The following LARP7 variants were observed in gnomAD, a reference collection of about 807,000 sequenced individuals.
The protein encoded by LARP7 is La ribonucleoprotein 7, transcriptional regulator.
LARP7 carries 52 observed loss-of-function variants against 69.3 expected under a neutral mutation model. The observed-to-expected ratio is 0.75, with a 90% CI of 0.60 to 0.95. The LOEUF (loss-of-function observed/expected upper bound fraction) is 0.95. LARP7 is among the 40% of genes least tolerant of loss of function. The pLI, the probability that LARP7 is intolerant of heterozygous loss-of-function variation, is 0.00. For synonymous variants in LARP7, 254 were observed against 215.9 expected (o/e 1.18, Z -1.55); for missense variants, 733 against 673.0 (o/e 1.09, Z -0.99).
intron 2 of LARP7, 31 bp downstream of exon 2, chr4:112,644,902 T>C (rs2048105450): frequency 4.3e-6 from 5 of 1,152,098 alleles, no homozygotes; most frequent in African/African-American, 1.6e-5. Flanking sequence ...GAACCAATTT[T>C]TAGATATGGT....
At chr4:112,647,923 A>G in intron 8 of LARP7, 89 bp downstream of exon 8, 2 of 986,134 alleles carry the variant, frequency 2.0e-6, no homozygotes, top group South Asian at 1.3e-5. Flanking sequence ...ACAGAGTTGC[A>G]TATTAGCAAC....
In LARP7 at chr4:112,647,534, T is replaced by A. The variant is rs765771089; in HGVS notation, c.982T>A (p.Ser328Thr). Residue 328 changes from serine (S) to threonine (T), a missense_variant, in exon 7 of 13, where the codon TCC (serine) becomes ACC (threonine). Transcript: ENST00000344442. The stretch of plus-strand genomic sequence containing the variant: ...CATCATTAAGGAAGCATCAGAAGCT[T>A]CCAAGGAAAATAGAGGTAAAACTAC... ...KDIIKEASEA[S>T]KENRDIEIST... 5 of 1,602,400 alleles carry A rather than the reference T, an allele frequency of 3.1e-6. No homozygotes were observed. The South Asian group carries it at 5.6e-5, about 18-fold the overall frequency.
At chr4:112,651,820 A>C (rs572421690) in intron 10 of LARP7, among the ~76,000 whole-genome samples, 1 of 152,150 alleles carries the variant, frequency 6.6e-6, no homozygotes, top group Non-Finnish European at 1.5e-5. Context: ...TATTTAGTAT[A>C]TATCTTTTGA....
rs2149292099 is a variant in LARP7, at chr4:112,657,350, A to G, written c.*23A>G. On this transcript the variant is annotated 3_prime_UTR_variant, in exon 13 of 13. Coordinates refer to ENST00000344442, the MANE Select transcript of LARP7 (RefSeq NM_016648.4). ...TGAAAAAAAAAACAGTTCACCTCTT[A>G]ATACTTCACAAGATACTTGAGCTGT... The G allele has an allele frequency of 2.4e-6, 3 of 1,267,856 alleles. No individual in the cohort carries two copies. The highest frequency in any genetic ancestry group is 2.9e-5 in the South Asian group (2 of 68,538). 78.5% of individuals were successfully genotyped at this position (1,267,856 alleles called of 1,614,324 possible). A position where few individuals can be genotyped will look rare whatever the true frequency, so the allele number is the denominator to read the frequency against.
chr4:112,645,492 T>A, intron 2 of LARP7: 1 of 456,262 alleles, frequency 2.2e-6, no homozygotes, highest in South Asian at 1.5e-5. Context: ...GCATTTCACC[T>A]AGCTCAATGT....
intron 10 of LARP7, among the ~76,000 whole-genome samples, chr4:112,651,931 A>G (rs937552017): frequency 2.6e-5 from 4 of 152,026 alleles, no homozygotes; most frequent in South Asian, 2.1e-4. Flanking sequence ...CTTGCTTTAT[A>G]TCTAAATTTG....
At chr4:112,642,183 G>T (rs957712389) in intron 1 of LARP7, among the ~76,000 whole-genome samples, 2 of 152,204 alleles carry the variant, frequency 1.3e-5, no homozygotes, top group Non-Finnish European at 2.9e-5. Flanking sequence ...GAGCTTGTTT[G>T]CAGTTTCTCT....
At chr4:112,647,916 G>C (rs1316605745) in intron 8 of LARP7, 82 bp downstream of exon 8, 4 of 1,019,952 alleles carry the variant, frequency 3.9e-6, no homozygotes, top group South Asian at 1.3e-5. Context: ...ATATTCAACA[G>C]AGTTGCATAT....
intron 11 of LARP7, 21 bp from the exon 12 acceptor site, chr4:112,654,045 CAG>C (rs1294023081): frequency 5.8e-6 from 9 of 1,546,346 alleles, no homozygotes; most frequent in African/African-American, 4.1e-5. Flanking sequence ...TTTCATCCAT[CAG>C]AGTCTTTGTT....
chr4:112,643,706 G>A (rs998337439), intron 1 of LARP7, among the ~76,000 whole-genome samples: 9 of 152,136 alleles, frequency 5.9e-5, no homozygotes, highest in African/African-American at 1.9e-4. Context: ...AAATTAGCCG[G>A]GTGTGATTGG....
intron 12 of LARP7, chr4:112,654,365 A>G: frequency 2.2e-6 from 1 of 454,072 alleles, no homozygotes; most frequent in Non-Finnish European, 3.9e-6. Context: ...TCTCACAAGG[A>G]TACATAATTT....
intron 12 of LARP7, 57 bp from the exon 13 acceptor site, chr4:112,657,190 G>C: frequency 1.2e-6 from 1 of 802,774 alleles, no homozygotes; most frequent in Non-Finnish European, 2.0e-6. Context: ...GTGTGTGTGT[G>C]TGTGTGTGTG....
chr4:112,640,589 A>G (rs1578551773), intron 1 of LARP7, among the ~76,000 whole-genome samples: 1 of 152,228 alleles, frequency 6.6e-6, no homozygotes, highest in South Asian at 2.1e-4. Flanking sequence ...AATCCCAGCT[A>G]CTTAGGAGGC....
Position 112,650,529 on chromosome 4 carries a change from G to A in LARP7, c.1363G>A (p.Val455Met). The A allele has an allele frequency of 3.7e-6, 6 of 1,613,808 alleles. No individual in the cohort carries two copies. The highest frequency in any genetic ancestry group is 5.1e-6 in the Non-Finnish European group (6 of 1,179,784). Residue 455 changes from valine (V) to methionine (M), a missense_variant, in exon 10 of 13, where the codon GTG (valine) becomes ATG (methionine). Coordinates refer to ENST00000344442, the MANE Select transcript of LARP7 (RefSeq NM_016648.4). ...AACAGGACCACAGTTCGTGAGTGGA[G>A]TGATTGTGAAGATCATTAGCACAGA... ...NATGPQFVSG[V>M]IVKIISTEPL...
chr4:112,653,371 GT>G, intron 11 of LARP7, 135 bp downstream of exon 11: 1 of 576,416 alleles, frequency 1.7e-6, no homozygotes, highest in Non-Finnish European at 2.8e-6. Context: ...GTACAGTGGT[GT>G]GATCTCAGCT....
chr4:112,653,919 T>A (rs912915026), intron 11 of LARP7, 149 bp from the exon 12 acceptor site: 1 of 590,138 alleles, frequency 1.7e-6, no homozygotes, highest in Non-Finnish European at 2.9e-6. Flanking sequence ...AAACTAACTA[T>A]TTTTTTTCTA....
Position 112,646,444 on chromosome 4 carries a change from T to C in LARP7, c.296T>C (p.Val99Ala). Residue 99 changes from valine to alanine, a missense_variant, in exon 3 of 13, where the codon GTT becomes GCT. Transcript: ENST00000344442. Reference protein sequence around the residue: ...LIARALRSSAVVELDLEGTRI... With the variant: ...LIARALRSSAAVELDLEGTRI... ...GCCAGAGCATTGAGAAGTTCAGCTG[T>C]TGTAGAGGTAAGAATCAAGAATAAC... is the stretch of plus-strand genomic sequence containing the variant. The C allele has an allele frequency of 3.8e-6, 6 of 1,581,048 alleles. No individual in the cohort carries two copies. Among genetic ancestry groups the C allele is most frequent in the Non-Finnish European group, 4.3e-6 (5 of 1,153,526 alleles).
chr4:112,652,687 A>G (rs945266172), intron 10 of LARP7, among the ~76,000 whole-genome samples: 6 of 150,018 alleles, frequency 4.0e-5, no homozygotes, highest in African/African-American at 1.5e-4. Context: ...AGTAAAAACA[A>G]ACCTCCCTTA....
chr4:112,653,266 TTTG>T (rs1196614843), intron 11 of LARP7, 30 bp downstream of exon 11: 1 of 1,538,920 alleles, frequency 6.5e-7, no homozygotes, highest in Non-Finnish European at 8.7e-7. Context: ...TCCTTTTTTT[TTTG>T]TTATCATCCT....
Sources: allele counts gnomAD v4.1 joint callset (sites outside exome capture counted in the v4.1 genomes callset), GRCh38; gene constraint gnomAD v4.1.1; transcripts MANE v1.5; gene names NCBI Gene and HGNC (gene_info 2026-07-23, HGNC 2026-07-21).